Variants in NOMO3 observed in about 807,000 individuals in gnomAD.
NOMO3 encodes the protein NODAL modulator 3.
A neutral mutation model predicts 69.9 loss-of-function variants in NOMO3; 15 were observed. That is an observed-to-expected ratio of 0.21 (90% CI 0.14 to 0.33). The LOEUF is 0.33. NOMO3 is among the 10% of genes least tolerant of loss of function. NOMO3 has a pLI of 1.00. For missense variants in NOMO3, 218 were observed against 761.0 expected (o/e 0.29, Z 8.39); for synonymous variants, 89 against 301.9 (o/e 0.29, Z 7.31).
At chr16:16,249,955 G>A (rs1380972828) in intron 6 of NOMO3, among the ~76,000 whole-genome samples, 1 of 139,982 alleles carries the variant, frequency 7.1e-6, no homozygotes, top group East Asian at 2.4e-4. Flanking sequence ...ACAACTTAAG[G>A]CAAATTAAAC....
At chr16:16,265,672 T>G (rs7196265) in intron 15 of NOMO3, among the ~76,000 whole-genome samples, 517 of 26,996 alleles carry the variant, frequency 0.019, no homozygotes, top group African/African-American at 0.036. Flanking sequence ...ATATATATAT[T>G]TTTTTTTTTT....
rs1365082741 is a variant in NOMO3 at position 16,232,593 on chromosome 16, A to AGGAGCC, written c.-73_-68dup. The AGGAGCC allele has an allele frequency of 1.2e-5, 7 of 574,172 alleles. No homozygotes were observed. Among genetic ancestry groups the AGGAGCC allele is most frequent in the African/African-American group, 5.9e-5 (3 of 50,964 alleles). The allele number at this position is 574,172 out of a possible 1,614,324, so 35.6% of individuals were successfully genotyped here. ...GCTGTCAGCCGGCCTAGGAGGAGGAAGGAGCCTGCGGCGTGCAGTGTGAGG... is the reference window on the plus strand; with the variant it reads ...GCTGTCAGCCGGCCTAGGAGGAGGAAGGAGCCGGAGCCTGCGGCGTGCAGTGTGAGG... On this transcript the variant is annotated 5_prime_UTR_variant, in exon 1 of 31. Transcript: ENST00000399336.
chr16:16,268,567 T>C (rs1052722893), intron 16 of NOMO3, among the ~76,000 whole-genome samples: 2 of 143,144 alleles, frequency 1.4e-5, no homozygotes, highest in Admixed American at 1.3e-4. Flanking sequence ...AACCCAGCCC[T>C]GTCTGCCACT....
At position 16,257,464 on chromosome 16, in the gene NOMO3, A is replaced by AG. The variant is rs1245145213; in HGVS notation, c.1220+1308dup. Among the ~76,000 whole-genome samples, 17 of 124,358 alleles carry AG rather than the reference A, an allele frequency of 1.4e-4. 3 individuals are homozygous for AG. The highest frequency in any genetic ancestry group is 3.6e-4 in the African/African-American group (10 of 27,704). The allele number at this position is 124,358 out of a possible 152,430, so 81.6% of individuals were successfully genotyped here. A position where few individuals can be genotyped will look rare whatever the true frequency, so the allele number is the denominator to read the frequency against. On this transcript the variant is annotated intron_variant, in intron 11 of 30. Transcript: ENST00000399336. ...AGAAAGAGAAGCCAGTTAGGTGATG[A>AG]GGTTTCAGATTTGGCCACATTGGTC...
At chr16:16,265,590 A>G (rs2049605566) in intron 15 of NOMO3, among the ~76,000 whole-genome samples, 2 of 124,868 alleles carry the variant, frequency 1.6e-5, no homozygotes, top group Admixed American at 8.0e-5. Context: ...TTAGGTATCA[A>G]AGTGTCCTTG....
chr16:16,260,467 C>T (rs1334815350), intron 11 of NOMO3, among the ~76,000 whole-genome samples: 2 of 141,820 alleles, frequency 1.4e-5, no homozygotes. Context: ...TATGGCTGGG[C>T]AGTCCCTTCA....
In NOMO3 at chr16:16,255,590, C is replaced by T. The variant is rs562718301; in HGVS notation, c.964-130C>T. 19 of 647,484 alleles carry T rather than the reference C, an allele frequency of 2.9e-5. 1 individual carries two copies. Among genetic ancestry groups the T allele is most frequent in the Middle Eastern group, 5.1e-4 (2 of 3,924 alleles). The allele number at this position is 647,484 out of a possible 1,614,324, so 40.1% of individuals were successfully genotyped here. A position where few individuals can be genotyped will look rare whatever the true frequency, so the allele number is the denominator to read the frequency against. On this transcript the variant is annotated intron_variant, in intron 9 of 30. Coordinates refer to ENST00000399336, the MANE Select transcript of NOMO3 (RefSeq NM_001004067.4). Reference sequence around the variant, plus strand: ...AGGGAGCCCGGCTGGCACACAGGACCGGGGCACTGAGTGTTGGGAGGTGGG... The same window carrying T: ...AGGGAGCCCGGCTGGCACACAGGACTGGGGCACTGAGTGTTGGGAGGTGGG...
intron 9 of NOMO3, among the ~76,000 whole-genome samples, chr16:16,254,905 G>C (rs2049497278): frequency 6.9e-6 from 1 of 143,980 alleles, no homozygotes; most frequent in Non-Finnish European, 1.5e-5. Flanking sequence ...TGGTGGTGGA[G>C]GAGGGTGGTC....
chr16:16,262,804 C>T (rs1402554199), intron 12 of NOMO3, among the ~76,000 whole-genome samples: 2 of 140,532 alleles, frequency 1.4e-5, no homozygotes, highest in Non-Finnish European at 3.0e-5. Flanking sequence ...GAGGCGTGTC[C>T]GCGTTGCGGG....
intron 1 of NOMO3, among the ~76,000 whole-genome samples, chr16:16,234,755 G>A (rs2049312576): frequency 6.7e-6 from 1 of 149,940 alleles, no homozygotes; most frequent in African/African-American, 2.5e-5. Flanking sequence ...ACAGTGAACA[G>A]AACAGACAAA....
At chr16:16,259,601 G>T (rs1369297826) in intron 11 of NOMO3, among the ~76,000 whole-genome samples, 1 of 107,290 alleles carries the variant, frequency 9.3e-6, no homozygotes, top group Non-Finnish European at 1.7e-5. Flanking sequence ...AAAGTGCTGG[G>T]ATTACAGGCT....
chr16:16,252,032 T>G lies in NOMO3; in HGVS notation c.805T>G (p.Cys269Gly). 6.9e-7 allele frequency: 1 copy of G among 1,441,764 alleles called. No homozygotes were observed. Among genetic ancestry groups the G allele is most frequent in the Non-Finnish European group, 9.3e-7 (1 of 1,070,828 alleles). 89.3% of individuals were successfully genotyped at this position (1,441,764 alleles called of 1,614,324 possible). Residue 269 changes from cysteine to glycine, a missense_variant, in exon 8 of 31, where the codon TGC becomes GGC. By Grantham distance (159) the Cys-to-Gly change is radical. Transcript: ENST00000399336. ...QPQDESLVYL[C>G]YTVSREDGSF... ...CCAAGACGAGAGTCTGGTGTATTTG[T>G]GCTACACGGTCTCCAGAGAAGATGG...
chr16:16,245,777 G>A (rs2141249918), intron 5 of NOMO3, among the ~76,000 whole-genome samples: 1 of 55,698 alleles, frequency 1.8e-5, no homozygotes, highest in African/African-American at 1.1e-4. Flanking sequence ...CAAGGCCTGG[G>A]GCTTAGTGGG....
intron 11 of NOMO3, among the ~76,000 whole-genome samples, chr16:16,258,333 T>G (rs1197193571): frequency 3.0e-5 from 4 of 131,386 alleles, no homozygotes; most frequent in Admixed American, 2.2e-4. Flanking sequence ...TAATTTAGAG[T>G]GGGAGCTCTG....
At chr16:16,240,800 C>T (rs1165851376) in intron 3 of NOMO3, among the ~76,000 whole-genome samples, 2 of 142,754 alleles carry the variant, frequency 1.4e-5, no homozygotes. Context: ...CCTGCCATCA[C>T]CAAGGCTAAA....
rs1396142040 is a variant in NOMO3, at chr16:16,237,548, T to C, written c.255+558T>C. On this transcript the variant is annotated intron_variant, in intron 2 of 30. Coordinates refer to ENST00000399336, the MANE Select transcript of NOMO3 (RefSeq NM_001004067.4). ...AATCTGATAAAGGTTTTTTTTGTTG[T>C]TTTTTTTTTTCTTCTTTTGAGTTGG... Among the ~76,000 whole-genome samples, 3 of 129,102 alleles carry C rather than the reference T, an allele frequency of 2.3e-5. 1 individual carries two copies. Among genetic ancestry groups the C allele is most frequent in the African/African-American group, 9.2e-5 (3 of 32,496 alleles). The allele number at this position is 129,102 out of a possible 152,430, so 84.7% of individuals were successfully genotyped here.
At position 16,239,351 on chromosome 16, in the gene NOMO3, T is replaced by C. The variant is rs1337495247; in HGVS notation, c.256-500T>C. On this transcript the variant is annotated intron_variant, in intron 2 of 30. Coordinates refer to ENST00000399336, the MANE Select transcript of NOMO3 (RefSeq NM_001004067.4). ...GAACATTTTTTGTACAGATGGGGTC[T>C]TGCTATGTTGCTTAGGCTGGTCTTG... 2.8e-5 allele frequency among the ~76,000 whole-genome samples: 4 copies of C among 143,388 alleles called. 1 individual carries two copies. The highest frequency in any genetic ancestry group is 8.5e-5 in the African/African-American group (3 of 35,406). The allele number at this position is 143,388 out of a possible 152,430, so 94.1% of individuals were successfully genotyped here.
intron 9 of NOMO3, among the ~76,000 whole-genome samples, chr16:16,253,131 G>A: frequency 7.2e-6 from 1 of 138,158 alleles, no homozygotes; most frequent in African/African-American, 3.2e-5. Flanking sequence ...ATCGCACCTG[G>A]CTAGACCTCA....
chr16:16,263,370 T>C, intron 13 of NOMO3, 143 bp from the exon 14 acceptor site: 1 of 1,571,650 alleles, frequency 6.4e-7, no homozygotes, highest in Non-Finnish European at 8.6e-7. Context: ...CATGTTAACT[T>C]GAAAGAAGCG....
Sources: allele counts gnomAD v4.1 joint callset (sites outside exome capture counted in the v4.1 genomes callset), GRCh38; gene constraint gnomAD v4.1.1; transcripts MANE v1.5; gene names NCBI Gene and HGNC (gene_info 2026-07-23, HGNC 2026-07-21).